Variants in LONP2 observed in about 807,000 individuals in gnomAD.
The protein encoded by LONP2 is lon protease homolog 2, peroxisomal.
LONP2 carries 60 observed loss-of-function variants against 85.6 expected under a neutral mutation model. The observed-to-expected ratio is 0.70, with a 90% CI of 0.57 to 0.87. LONP2 has a LOEUF of 0.87. LONP2 is among the 40% of genes least tolerant of loss of function. The pLI is 0.00. For synonymous variants in LONP2, 395 were observed against 389.7 expected (o/e 1.01, Z -0.16); for missense variants, 860 against 1,063.5 (o/e 0.81, Z 2.66).
Position 48,275,513 on chromosome 16 carries a change from T to C in LONP2, c.1242-1825T>C, listed in dbSNP as rs372210682. Reference sequence around the variant, plus strand: ...TTGTAAGTAACCATCAGATGAGTTATGGGGCCAGTAAGTGCTGTAGACATT... The same window carrying C: ...TTGTAAGTAACCATCAGATGAGTTACGGGGCCAGTAAGTGCTGTAGACATT... On this transcript the variant is annotated intron_variant, in intron 7 of 14. Transcript: ENST00000285737. Among the ~76,000 whole-genome samples the C allele has an allele frequency of 8.5e-5, 13 of 152,292 alleles. No homozygotes were observed. In the East Asian group the frequency reaches 2.3e-3, roughly 27 times the overall value.
At position 48,324,105 on chromosome 16, in the gene LONP2, T is replaced by A. The variant is rs117421077; in HGVS notation, c.1796-10111T>A. 5.6e-3 allele frequency among the ~76,000 whole-genome samples: 848 copies of A among 152,324 alleles called. 8 individuals carry two copies. Among genetic ancestry groups the A allele is most frequent in the Non-Finnish European group, 7.6e-3 (520 of 68,024 alleles). On this transcript the variant is annotated intron_variant, in intron 11 of 14. Transcript: ENST00000285737. ...TTTTCTGATTTTTTTCAAAAGATAC[T>A]TTGCTTTTCCTTTTCTGCCTTACCA...
chr16:48,341,353 AGG>A (rs1244234751), intron 12 of LONP2, among the ~76,000 whole-genome samples: 1 of 152,150 alleles, frequency 6.6e-6, no homozygotes, highest in Non-Finnish European at 1.5e-5. Context: ...GCTTCTGGGG[AGG>A]CCTCAGGAAA....
At chr16:48,361,499 T>G (rs759611392), downstream of LONP2, 1 of 1,438,850 alleles carries the variant, frequency 6.9e-7, no homozygotes, top group East Asian at 2.3e-5. Flanking sequence ...GAAAGAGTTT[T>G]AGGTTGGCAG....
intron 11 of LONP2, among the ~76,000 whole-genome samples, chr16:48,305,415 C>T (rs1040242544): frequency 3.9e-5 from 6 of 151,924 alleles, no homozygotes; most frequent in Admixed American, 6.6e-5. Context: ...CCACCACGCC[C>T]GGCTAATTTT....
chr16:48,319,269 T>C (rs1481168777), intron 11 of LONP2, among the ~76,000 whole-genome samples: 2 of 151,906 alleles, frequency 1.3e-5, no homozygotes, highest in Non-Finnish European at 2.9e-5. Flanking sequence ...TAATCTCAGC[T>C]ACTTGGGAGG....
chr16:48,344,367 C>T (rs1959902660), intron 12 of LONP2: 1 of 152,172 alleles, frequency 6.6e-6, no homozygotes, highest in African/African-American at 2.4e-5. Flanking sequence ...TTCAGTTCTC[C>T]CCACTGTGTA....
Position 48,348,187 on chromosome 16 carries a change from G to GA in LONP2, c.2235dup (p.Val746SerfsTer12). On this transcript the variant is annotated frameshift_variant, in exon 14 of 15. Transcript: ENST00000285737. LOFTEE classifies it high-confidence loss of function. ...GTCACAAAAGATGGACCATCTGCTG[G>GA]AGTTACCATAGTAACCTGTCTCGCC... 1 of 1,613,398 alleles carries GA rather than the reference G, an allele frequency of 6.2e-7. No homozygotes were observed. The highest frequency in any genetic ancestry group is 8.5e-7 in the Non-Finnish European group (1 of 1,179,858).
In LONP2 at chr16:48,334,298, G is replaced by T. The variant is rs770385833; in HGVS notation, c.1878G>T (p.Pro626=). The part of the protein sequence containing the change: ...TTDLALPPEM[P]ILIDFHALKD... ...ACTTGGCTCTACCACCTGAAATGCCGATTTTGATTGATTTCCATGCTCTGA... is the reference window on the plus strand; with the variant it reads ...ACTTGGCTCTACCACCTGAAATGCCTATTTTGATTGATTTCCATGCTCTGA... The change falls in exon 12 of 15, where the codon CCG becomes CCT. Residue 626 remains proline (P), a synonymous_variant. Coordinates refer to ENST00000285737, the MANE Select transcript of LONP2 (RefSeq NM_031490.5). The T allele has an allele frequency of 3.1e-6, 5 of 1,613,966 alleles. No individual in the cohort carries two copies. The South Asian group carries it at 5.5e-5, about 18-fold the overall frequency.
intron 11 of LONP2, among the ~76,000 whole-genome samples, chr16:48,317,730 G>A (rs1197339290): frequency 6.6e-6 from 1 of 152,216 alleles, no homozygotes; most frequent in Non-Finnish European, 1.5e-5. Context: ...TTGGAGAAAA[G>A]GCTAGTGGTT....
intron 12 of LONP2, among the ~76,000 whole-genome samples, chr16:48,346,408 C>CTG (rs1959965773): frequency 6.6e-6 from 1 of 152,106 alleles, no homozygotes; most frequent in Admixed American, 6.6e-5. Flanking sequence ...ATGTGTTAAC[C>CTG]TATGGCCCAT....
chr16:48,275,923 G>T (rs954672841), intron 7 of LONP2, among the ~76,000 whole-genome samples: 7 of 152,050 alleles, frequency 4.6e-5, no homozygotes, highest in African/African-American at 1.7e-4. Context: ...GTGACTTCAG[G>T]TGTAGAATTG....
intron 7 of LONP2, among the ~76,000 whole-genome samples, chr16:48,275,171 T>G (rs1972180813): frequency 2.0e-5 from 3 of 152,072 alleles, no homozygotes; most frequent in Admixed American, 1.3e-4. Context: ...GACCGTGCTG[T>G]GTGCTTTGCC....
rs372180110 is a variant in LONP2, at chr16:48,244,362, C to T, written c.-27C>T. The T allele has an allele frequency of 6.7e-5, 99 of 1,487,930 alleles. No homozygotes were observed. In the South Asian group the frequency reaches 1.1e-3, roughly 16 times the overall value. The allele number at this position is 1,487,930 out of a possible 1,614,324, so 92.2% of individuals were successfully genotyped here. A position where few individuals can be genotyped will look rare whatever the true frequency, so the allele number is the denominator to read the frequency against. On this transcript the variant is annotated 5_prime_UTR_variant, in exon 1 of 15. Coordinates refer to ENST00000285737, the MANE Select transcript of LONP2 (RefSeq NM_031490.5). ...CAGCTGTCTGTCTGGCTCTTTTTGA[C>T]AGCCCCCAGTGCGAAAGGCTGCCAG...
At chr16:48,286,279 C>T (rs1972441035) in intron 8 of LONP2, among the ~76,000 whole-genome samples, 1 of 151,576 alleles carries the variant, frequency 6.6e-6, no homozygotes. Context: ...GTAGCTGGGA[C>T]TACAGGTGCC....
At chr16:48,311,216 GTTTTCTCAATTA>G (rs1010640778) in intron 11 of LONP2, among the ~76,000 whole-genome samples, 5 of 152,102 alleles carry the variant, frequency 3.3e-5, no homozygotes, top group Admixed American at 2.0e-4. Context: ...ACTAGGGAAG[GTTTTCTCAATTA>G]TTTTCTCAAA....
At chr16:48,331,354 G>T (rs1472696289) in intron 11 of LONP2, among the ~76,000 whole-genome samples, 8 of 152,184 alleles carry the variant, frequency 5.3e-5, no homozygotes, top group Admixed American at 5.2e-4. Flanking sequence ...TCCACAAGCT[G>T]CTGACTAACT....
At chr16:48,252,424 A>C in intron 2 of LONP2, 59 bp downstream of exon 2, 1 of 1,105,232 alleles carries the variant, frequency 9.0e-7, no homozygotes, top group Non-Finnish European at 1.3e-6. Context: ...TGCTTTCCTA[A>C]GATATGGTGA....
chr16:48,350,615 G>C (rs1272606699), intron 14 of LONP2, among the ~76,000 whole-genome samples: 2 of 152,210 alleles, frequency 1.3e-5, no homozygotes, highest in Admixed American at 6.5e-5. Context: ...GGAGCAGCCA[G>C]CCAGTCTTAA....
At chr16:48,337,255 G>C (rs1460517155) in intron 12 of LONP2, among the ~76,000 whole-genome samples, 2 of 152,208 alleles carry the variant, frequency 1.3e-5, no homozygotes, top group African/African-American at 2.4e-5. Flanking sequence ...TCTGCTAGAA[G>C]AGAGTGGCAG....
Sources: allele counts gnomAD v4.1 joint callset (sites outside exome capture counted in the v4.1 genomes callset), GRCh38; gene constraint gnomAD v4.1.1; transcripts MANE v1.5; gene names NCBI Gene and HGNC (gene_info 2026-07-23, HGNC 2026-07-21).